Variants in ITPR2 observed in about 807,000 individuals in gnomAD.
ITPR2 encodes inositol 1,4,5-trisphosphate receptor type 2.
Under a neutral mutation model 317.1 loss-of-function variants are expected in ITPR2, and 207 were observed. The ratio of observed to expected loss-of-function variants is 0.65; its 90% CI spans 0.58 to 0.73. The LOEUF is 0.73. ITPR2 is among the 30% of genes least tolerant of loss of function. The probability of loss-of-function intolerance (pLI) is 0.00; values close to 1 mark genes in which losing one functional copy is unlikely to be tolerated. For missense variants in ITPR2, 2,613 were observed against 3,284.0 expected, an observed-to-expected ratio of 0.80 and a Z score of 4.99; for synonymous variants, 1,156 against 1,149.1, an observed-to-expected ratio of 1.01 and a Z score of -0.12.
intron 45 of ITPR2, among the ~76,000 whole-genome samples, chr12:26,445,560 G>T (rs190911635): frequency 2.0e-5 from 3 of 152,240 alleles, no homozygotes; most frequent in Non-Finnish European, 4.4e-5. Context: ...GCCAAGTGAA[G>T]AAATAATTTC....
At chr12:26,491,364 T>C (rs935021217) in intron 39 of ITPR2, among the ~76,000 whole-genome samples, 4 of 150,854 alleles carry the variant, frequency 2.7e-5, no homozygotes, top group African/African-American at 9.8e-5. Flanking sequence ...GCACCTGTAG[T>C]CCCAGCTACT....
At chr12:26,670,920 A>T (rs9738520) in intron 13 of ITPR2, among the ~76,000 whole-genome samples, 1 of 152,022 alleles carries the variant, frequency 6.6e-6, no homozygotes, top group Non-Finnish European at 1.5e-5. Flanking sequence ...CTCAGGAGCC[A>T]ATGCGATCAA....
At chr12:26,381,108 G>A (rs996735666) in intron 55 of ITPR2, among the ~76,000 whole-genome samples, 2 of 152,206 alleles carry the variant, frequency 1.3e-5, no homozygotes, top group African/African-American at 4.8e-5. Context: ...CTGGGTTGGA[G>A]AGACACGATG....
chr12:26,664,487 G>A (rs550724353), intron 14 of ITPR2, among the ~76,000 whole-genome samples: 1 of 152,306 alleles, frequency 6.6e-6, no homozygotes, highest in Admixed American at 6.5e-5. Context: ...AAGCATTGAG[G>A]AATATAACTC....
chr12:26,759,995 C>T (rs1245520771), intron 2 of ITPR2, among the ~76,000 whole-genome samples: 4 of 152,226 alleles, frequency 2.6e-5, no homozygotes, highest in African/African-American at 9.6e-5. Flanking sequence ...CCAAAATCTA[C>T]AGAAGCTCAA....
chr12:26,380,223 GTACC>G (rs979074966), intron 55 of ITPR2, among the ~76,000 whole-genome samples: 11 of 152,158 alleles, frequency 7.2e-5, no homozygotes, highest in African/African-American at 2.2e-4. Context: ...ACACTGTTAA[GTACC>G]TATTACTTCT....
intron 45 of ITPR2, among the ~76,000 whole-genome samples, chr12:26,461,668 A>G (rs1255155587): frequency 1.1e-5 from 1 of 94,812 alleles, no homozygotes; most frequent in African/African-American, 4.2e-5. Flanking sequence ...ATATATATAT[A>G]TATGCACACA....
At chr12:26,405,021 C>A (rs1360650602) in intron 52 of ITPR2, among the ~76,000 whole-genome samples, 3 of 152,010 alleles carry the variant, frequency 2.0e-5, no homozygotes, top group Non-Finnish European at 4.4e-5. Context: ...GTAATCCCAG[C>A]TACTCAGGAG....
At chr12:26,670,850 C>T (rs1352544294) in intron 13 of ITPR2, among the ~76,000 whole-genome samples, 1 of 152,114 alleles carries the variant, frequency 6.6e-6, no homozygotes, top group Admixed American at 6.5e-5. Flanking sequence ...CAGAGAAGTG[C>T]TTAAAGGAGC....
At chr12:26,349,696 A>T (rs1015530898) in intron 55 of ITPR2, among the ~76,000 whole-genome samples, 2 of 152,238 alleles carry the variant, frequency 1.3e-5, no homozygotes, top group Admixed American at 6.5e-5. Flanking sequence ...CGTGCATGGC[A>T]CCCAGCAAAG....
At chr12:26,781,992 G>GTATATA (rs1161714052) in intron 2 of ITPR2, among the ~76,000 whole-genome samples, 96 of 56,878 alleles carry the variant, frequency 1.7e-3, no homozygotes, top group Non-Finnish European at 2.1e-3. Context: ...AAACTCCCCT[G>GTATATA]TATATATATA....
chr12:26,456,664 C>G (rs187677994), intron 45 of ITPR2, among the ~76,000 whole-genome samples: 1 of 152,030 alleles, frequency 6.6e-6, no homozygotes, highest in Non-Finnish European at 1.5e-5. Context: ...ATCAGGACCC[C>G]TTTCTAGTAA....
rs10687003 is a variant in ITPR2, at chr12:26,455,344, T to TAAAAAA, written c.6343-11700_6343-11695dup. Among the ~76,000 whole-genome samples, 17 of 66,370 alleles carry TAAAAAA rather than the reference T, an allele frequency of 2.6e-4. 2 individuals are homozygous for TAAAAAA. The highest frequency in any genetic ancestry group is 1.0e-3 in the African/African-American group (17 of 16,958). 43.5% of individuals were successfully genotyped at this position (66,370 alleles called of 152,430 possible). A position where few individuals can be genotyped will look rare whatever the true frequency, so the allele number is the denominator to read the frequency against. ...GTTTAACTGTCTAATCAACAGCTGC[T>TAAAAAA]AAAAAAAAAAAAAAAAAAAAAAAAA... On this transcript the variant is annotated intron_variant, in intron 45 of 56. Coordinates refer to ENST00000381340, the MANE Select transcript of ITPR2 (RefSeq NM_002223.4).
intron 26 of ITPR2, among the ~76,000 whole-genome samples, chr12:26,614,196 T>C (rs1039696091): frequency 6.6e-6 from 1 of 151,786 alleles, no homozygotes; most frequent in Non-Finnish European, 1.5e-5. Flanking sequence ...CCCTCCATCT[T>C]CTAAGGGAAA....
intron 2 of ITPR2, among the ~76,000 whole-genome samples, chr12:26,769,444 A>T (rs1203599547): frequency 6.6e-6 from 1 of 152,144 alleles, no homozygotes; most frequent in Non-Finnish European, 1.5e-5. Flanking sequence ...AAGGCAGTTG[A>T]CTTCGGCTTG....
intron 51 of ITPR2, among the ~76,000 whole-genome samples, chr12:26,414,564 A>G (rs1225709931): frequency 6.6e-6 from 1 of 152,148 alleles, no homozygotes; most frequent in Non-Finnish European, 1.5e-5. Flanking sequence ...AGGAAAAAGA[A>G]TAATAAACTT....
intron 52 of ITPR2, among the ~76,000 whole-genome samples, chr12:26,401,503 C>A (rs185673630): frequency 2.6e-4 from 40 of 152,296 alleles, no homozygotes; most frequent in African/African-American, 9.6e-4. Flanking sequence ...TGGGATCCAA[C>A]TTGAAACATA....
intron 51 of ITPR2, among the ~76,000 whole-genome samples, chr12:26,414,100 C>G (rs1940646410): frequency 6.8e-6 from 1 of 146,562 alleles, no homozygotes; most frequent in Non-Finnish European, 1.5e-5. Flanking sequence ...CACAAGTCCC[C>G]ATATTTATAC....
chr12:26,707,841 T>G (rs1948581727), intron 9 of ITPR2, among the ~76,000 whole-genome samples: 1 of 152,128 alleles, frequency 6.6e-6, no homozygotes, highest in African/African-American at 2.4e-5. Context: ...ACCTGGGCAT[T>G]TTTTGACAAG....
Sources: gnomAD v4.1 joint callset for allele counts (sites outside exome capture counted in the v4.1 genomes callset) on GRCh38, gnomAD v4.1.1 for gene constraint, MANE v1.5 for transcripts, NCBI Gene and HGNC (gene_info 2026-07-23, HGNC 2026-07-21) for gene names.